Variants in GRM5 observed in about 807,000 individuals in gnomAD.
GRM5 encodes the protein glutamate metabotropic receptor 5.
In GRM5, 19 loss-of-function variants were observed where a neutral mutation model predicts 83.1. The ratio of observed to expected loss-of-function variants is 0.23; its 90% confidence interval spans 0.16 to 0.34. The LOEUF is 0.34. Among genes scored for constraint, GRM5 ranks in the 10% least tolerant of loss-of-function variants. The pLI is 1.00. For missense variants in GRM5, 1,160 were observed against 1,588.3 expected (o/e 0.73, Z 4.58); for synonymous variants, 675 against 633.6 (o/e 1.07, Z -0.98).
chr11:88,741,473 C>T (rs1942027494), intron 3 of GRM5, among the ~76,000 whole-genome samples: 1 of 152,038 alleles, frequency 6.6e-6, no homozygotes, highest in African/African-American at 2.4e-5. Flanking sequence ...CTTTACAGTT[C>T]CAACTCAAAA....
chr11:88,951,432 T>C (rs189608711), intron 2 of GRM5, among the ~76,000 whole-genome samples: 1 of 152,368 alleles, frequency 6.6e-6, no homozygotes, highest in African/African-American at 2.4e-5. Context: ...GTGCAGGTTA[T>C]ATGGCCTGTC....
chr11:88,525,536 A>C, intron 8 of GRM5, 132 bp from the exon 9 acceptor site: 1 of 658,054 alleles, frequency 1.5e-6, no homozygotes. Context: ...TTCTCAATGC[A>C]ATGACCAACC....
At chr11:88,550,159 T>C (rs1021315476) in intron 8 of GRM5, among the ~76,000 whole-genome samples, 2 of 152,176 alleles carry the variant, frequency 1.3e-5, no homozygotes, top group African/African-American at 4.8e-5. Context: ...GGAGAAGTGA[T>C]GATAAAATCA....
At chr11:88,933,493 A>G (rs1180341630) in intron 2 of GRM5, among the ~76,000 whole-genome samples, 1 of 151,824 alleles carries the variant, frequency 6.6e-6, no homozygotes, top group African/African-American at 2.4e-5. Context: ...CTCAAAATCT[A>G]TGAATGTGCT....
chr11:88,551,975 G>GCAT (rs1308425118), intron 8 of GRM5, among the ~76,000 whole-genome samples: 5 of 151,878 alleles, frequency 3.3e-5, no homozygotes, highest in Non-Finnish European at 7.4e-5. Context: ...TTAAAATCTA[G>GCAT]CATCAACATT....
chr11:88,755,024 C>G (rs763276481), intron 3 of GRM5, among the ~76,000 whole-genome samples: 1 of 152,144 alleles, frequency 6.6e-6, no homozygotes, highest in Non-Finnish European at 1.5e-5. Flanking sequence ...CCCACTTTCT[C>G]TACAGAATTA....
intron 3 of GRM5, among the ~76,000 whole-genome samples, chr11:88,833,546 G>A (rs1216035281): frequency 4.6e-5 from 7 of 151,966 alleles, no homozygotes; most frequent in African/African-American, 1.7e-4. Flanking sequence ...CAGACACTAT[G>A]GAAAACAGTA....
chr11:88,709,046 C>T (rs529566693), intron 3 of GRM5, among the ~76,000 whole-genome samples: 56 of 151,932 alleles, frequency 3.7e-4, no homozygotes, highest in Non-Finnish European at 6.9e-4. Flanking sequence ...TGAAATGTGC[C>T]TTATATTTGA....
intron 2 of GRM5, among the ~76,000 whole-genome samples, chr11:88,921,453 C>T (rs11021676): frequency 0.038 from 5,854 of 152,056 alleles, 181 homozygotes; most frequent in African/African-American, 0.079. Context: ...GAAACCCCGT[C>T]TCTAGTAAAA....
chr11:88,579,413 C>G (rs1322971661), intron 7 of GRM5, among the ~76,000 whole-genome samples: 2 of 152,054 alleles, frequency 1.3e-5, no homozygotes, highest in South Asian at 4.2e-4. Context: ...TACATTAACA[C>G]ATAAACAATA....
At chr11:88,673,998 G>C (rs1357124291) in intron 3 of GRM5, among the ~76,000 whole-genome samples, 1 of 151,784 alleles carries the variant, frequency 6.6e-6, no homozygotes, top group Non-Finnish European at 1.5e-5. Context: ...CCTATATAGA[G>C]AGAAGCACTG....
intron 3 of GRM5, among the ~76,000 whole-genome samples, chr11:88,717,335 C>T (rs1012499523): frequency 3.3e-5 from 5 of 151,808 alleles, no homozygotes; most frequent in African/African-American, 9.7e-5. Flanking sequence ...ATTTGTTAAT[C>T]GTGTTAATGA....
chr11:88,882,220 G>C (rs1944964834), intron 2 of GRM5, among the ~76,000 whole-genome samples: 1 of 146,140 alleles, frequency 6.8e-6, no homozygotes, highest in Non-Finnish European at 1.5e-5. Flanking sequence ...CTGAACAACA[G>C]AGTGACACTC....
intron 4 of GRM5, among the ~76,000 whole-genome samples, chr11:88,622,795 G>C (rs573268725): frequency 6.6e-6 from 1 of 152,012 alleles, no homozygotes; most frequent in African/African-American, 2.4e-5. Context: ...TGCAGTAGAG[G>C]AATTAGTCTC....
At chr11:88,807,232 A>G (rs1943513478) in intron 3 of GRM5, among the ~76,000 whole-genome samples, 1 of 152,154 alleles carries the variant, frequency 6.6e-6, no homozygotes, top group East Asian at 1.9e-4. Context: ...ATTTCAAAAA[A>G]TGTTTAAAAG....
At chr11:88,704,680 G>A (rs1021586236) in intron 3 of GRM5, among the ~76,000 whole-genome samples, 2 of 151,962 alleles carry the variant, frequency 1.3e-5, no homozygotes, top group East Asian at 1.9e-4. Flanking sequence ...ATAAAACATG[G>A]GACTAGTCTA....
chr11:88,783,967 A>T (rs1003330030), intron 3 of GRM5, among the ~76,000 whole-genome samples: 3 of 152,076 alleles, frequency 2.0e-5, no homozygotes, highest in African/African-American at 7.2e-5. Flanking sequence ...ATTCCCCATT[A>T]TCAGTGGAGT....
intron 4 of GRM5, among the ~76,000 whole-genome samples, chr11:88,640,034 C>G (rs1321311326): frequency 6.6e-6 from 1 of 152,130 alleles, no homozygotes; most frequent in Non-Finnish European, 1.5e-5. Flanking sequence ...TCTCTCAAAA[C>G]TTCCATAGCT....
At chr11:88,894,383 C>A (rs1590945284) in intron 2 of GRM5, among the ~76,000 whole-genome samples, 2 of 152,132 alleles carry the variant, frequency 1.3e-5, no homozygotes, top group East Asian at 3.9e-4. Flanking sequence ...GCCTATTAAA[C>A]CTCAGCTCCT....
Sources: gnomAD v4.1 joint callset for allele counts (sites outside exome capture counted in the v4.1 genomes callset) on GRCh38, gnomAD v4.1.1 for gene constraint, MANE v1.5 for transcripts, NCBI Gene and HGNC (gene_info 2026-07-23, HGNC 2026-07-21) for gene names.